EPB41L1: variants seen among roughly 807,000 people sequenced by gnomAD.
EPB41L1 encodes erythrocyte membrane protein band 4.1 like 1, also known as band 4.1-like protein 1.
A neutral mutation model predicts 97.8 loss-of-function variants in EPB41L1; 29 were observed. That is an observed-to-expected ratio of 0.30 (90% CI 0.22 to 0.40). The LOEUF (loss-of-function observed/expected upper bound fraction) is 0.40. Ranked by LOEUF, EPB41L1 falls within the 10% of genes least tolerant of loss-of-function variation. EPB41L1 has a pLI of 1.00. For missense variants in EPB41L1, 812 were observed against 1,162.3 expected (o/e 0.70, Z 4.38); for synonymous variants, 383 against 459.2 (o/e 0.83, Z 2.12).
At position 36,229,557 on chromosome 20, in the gene EPB41L1, C is replaced by T. The variant is rs2064394208; in HGVS notation, c.*217C>T. On this transcript the variant is annotated 3_prime_UTR_variant, in exon 22 of 22. Coordinates refer to ENST00000338074, the MANE Select transcript of EPB41L1 (RefSeq NM_012156.2). ...CCGCATCCTTGCACTGCTGCTGGGG[C>T]TGGCAGAGCAGTTGGCTGACAGCAA... 2.3e-6 allele frequency: 1 copy of T among 430,398 alleles called. No homozygotes were observed. The highest frequency in any genetic ancestry group is 3.7e-5 in the Admixed American group (1 of 27,026). 26.7% of individuals were successfully genotyped at this position (430,398 alleles called of 1,614,324 possible).
At chr20:36,123,729 G>A (rs1198961428) in intron 2 of EPB41L1, among the ~76,000 whole-genome samples, 1 of 152,144 alleles carries the variant, frequency 6.6e-6, no homozygotes, top group Non-Finnish European at 1.5e-5. Context: ...ACTGCGCTTG[G>A]GCAGAAAATT....
rs889676320 is a variant in EPB41L1, at chr20:36,230,456, G to C, written c.*1116G>C. ...TCTGGGTGTGGGTTGGCTCACAGTA[G>C]GGGCTGACGGGTTCAGTGTAGTAAT... On this transcript the variant is annotated 3_prime_UTR_variant, in exon 22 of 22. Transcript: ENST00000338074. 3.3e-5 allele frequency: 5 copies of C among 152,674 alleles called. No individual in the cohort carries two copies. Among genetic ancestry groups the C allele is most frequent in the African/African-American group, 9.7e-5 (4 of 41,420 alleles). The allele number at this position is 152,674 out of a possible 1,614,324, so 9.5% of individuals were successfully genotyped here. A position where few individuals can be genotyped will look rare whatever the true frequency, so the allele number is the denominator to read the frequency against.
chr20:36,213,259 A>G (rs2063237416), intron 16 of EPB41L1, among the ~76,000 whole-genome samples: 1 of 152,146 alleles, frequency 6.6e-6, no homozygotes, highest in African/African-American at 2.4e-5. Flanking sequence ...TTAGCTGGGC[A>G]TGGTAGCACA....
chr20:36,187,027 A>C (rs1323507345), intron 7 of EPB41L1, among the ~76,000 whole-genome samples: 1 of 152,250 alleles, frequency 6.6e-6, no homozygotes, highest in East Asian at 1.9e-4. Flanking sequence ...AATGACAATA[A>C]TAATAATACC....
intron 2 of EPB41L1, among the ~76,000 whole-genome samples, chr20:36,126,617 C>T (rs1266453099): frequency 5.3e-5 from 8 of 152,206 alleles, no homozygotes; most frequent in South Asian, 2.1e-4. Context: ...CCGCCCGCCT[C>T]GGCCTCCCAA....
chr20:36,098,749 A>T (rs1185435739), intron 1 of EPB41L1, among the ~76,000 whole-genome samples: 3 of 152,112 alleles, frequency 2.0e-5, no homozygotes, highest in Non-Finnish European at 2.9e-5. Context: ...TACATGCAGG[A>T]AGTTGGGGAG....
chr20:36,182,144 C>A, intron 5 of EPB41L1, 128 bp from the exon 6 acceptor site: 11 of 817,258 alleles, frequency 1.3e-5, no homozygotes, highest in Middle Eastern at 2.2e-4. Flanking sequence ...AATGTTCCAG[C>A]CTTCCTGATT....
chr20:36,224,944 C>T (rs2084960793), intron 21 of EPB41L1, among the ~76,000 whole-genome samples: 1 of 152,144 alleles, frequency 6.6e-6, no homozygotes, highest in East Asian at 1.9e-4. Context: ...GCCTCAGCCT[C>T]CCAAGTAGCT....
chr20:36,170,729 G>C (rs1465883644), intron 1 of EPB41L1, among the ~76,000 whole-genome samples: 1 of 152,188 alleles, frequency 6.6e-6, no homozygotes, highest in African/African-American at 2.4e-5. Flanking sequence ...AGAGTGGGCG[G>C]AGGAACCAGG....
chr20:36,185,541 C>A (rs1267491020), intron 7 of EPB41L1, among the ~76,000 whole-genome samples: 1 of 152,182 alleles, frequency 6.6e-6, no homozygotes, highest in African/African-American at 2.4e-5. Context: ...CCTTTTGGGA[C>A]CCAAGTTTCT....
At chr20:36,177,928 T>C in intron 3 of EPB41L1, 24 bp from the exon 4 acceptor site, 1 of 1,601,778 alleles carries the variant, frequency 6.2e-7, no homozygotes, top group Non-Finnish European at 8.6e-7. Context: ...TTCAGCCTCA[T>C]AGCTGCTCTG....
In EPB41L1 at chr20:36,154,990, C is replaced by A; in HGVS notation, c.-15+94C>A. 1 of 1,111,030 alleles carries A rather than the reference C, an allele frequency of 9.0e-7. No individual in the cohort carries two copies. The highest frequency in any genetic ancestry group is 1.2e-6 in the Non-Finnish European group (1 of 867,060). 68.8% of individuals were successfully genotyped at this position (1,111,030 alleles called of 1,614,324 possible). On this transcript the variant is annotated intron_variant, in intron 1 of 21. Transcript: ENST00000338074. This position sits in a 1 kb window ranked among gnomAD's most constrained non-coding sequence, Gnocchi z 5.5. ...CCCTGGGGAGGAACGGGGGCGAGGCCGAGAACTGAGTTTTCAGGCTGTTGG... is the reference window on the plus strand; with the variant it reads ...CCCTGGGGAGGAACGGGGGCGAGGCAGAGAACTGAGTTTTCAGGCTGTTGG...
chr20:36,212,134 C>T lies in EPB41L1; in HGVS notation c.2080-138C>T. The T allele has an allele frequency of 1.2e-6, 1 of 815,538 alleles. No homozygotes were observed. Among genetic ancestry groups the T allele is most frequent in the Non-Finnish European group, 2.1e-6 (1 of 482,952 alleles). 50.5% of individuals were successfully genotyped at this position (815,538 alleles called of 1,614,324 possible). On this transcript the variant is annotated intron_variant, in intron 15 of 21. Transcript: ENST00000338074. This position sits in a 1 kb window ranked among gnomAD's most constrained non-coding sequence, Gnocchi z 4.8. ...GATATCACACCACAACTCTTTTACC[C>T]TGTCCAGAGTACCCTTCCAGAGATG...
At chr20:36,150,217 C>A (rs1019317533), upstream of EPB41L1, among the ~76,000 whole-genome samples, 2 of 152,040 alleles carry the variant, frequency 1.3e-5, no homozygotes, top group Admixed American at 1.3e-4. Flanking sequence ...ATTATAGGCA[C>A]ATGCCACCAT....
At chr20:36,217,406 G>T (rs1256103384) in intron 17 of EPB41L1, among the ~76,000 whole-genome samples, 2 of 152,170 alleles carry the variant, frequency 1.3e-5, no homozygotes, top group Non-Finnish European at 2.9e-5. Flanking sequence ...GTTTGCCTTG[G>T]TCAGGGAGAG....
intron 14 of EPB41L1, chr20:36,208,370 G>C (rs555396049): frequency 8.9e-6 from 4 of 449,098 alleles, no homozygotes; most frequent in African/African-American, 2.0e-5. Context: ...CCCTGGGAAG[G>C]GGGGGCGCCT....
chr20:36,189,299 A>C (rs897600852), intron 9 of EPB41L1, among the ~76,000 whole-genome samples: 4 of 152,058 alleles, frequency 2.6e-5, no homozygotes, highest in South Asian at 2.1e-4. Flanking sequence ...CCCTTAAATC[A>C]GATCATGGCA....
intron 14 of EPB41L1, chr20:36,200,933 G>C (rs1030023265): frequency 4.4e-6 from 2 of 456,704 alleles, no homozygotes; most frequent in African/African-American, 4.0e-5. Flanking sequence ...AGCAGCCGCA[G>C]GCTTGGAAGT....
At chr20:36,204,004 C>T (rs1020888051) in intron 14 of EPB41L1, among the ~76,000 whole-genome samples, 1 of 152,116 alleles carries the variant, frequency 6.6e-6, no homozygotes, top group African/African-American at 2.4e-5. Context: ...TATAAACCTT[C>T]CCCCTCCTGC....
Sources: gnomAD v4.1 joint callset for allele counts (sites outside exome capture counted in the v4.1 genomes callset) on GRCh38, gnomAD v4.1.1 for gene constraint, Gnocchi (gnomAD v3.1) non-coding constraint, MANE v1.5 for transcripts, NCBI Gene and HGNC (gene_info 2026-07-23, HGNC 2026-07-21) for gene names.